Variants in RFWD3 observed in about 807,000 individuals in gnomAD.
RFWD3 encodes the protein E3 ubiquitin-protein ligase RFWD3.
RFWD3 carries 65 observed loss-of-function variants against 87.7 expected under a neutral mutation model. The ratio of observed to expected loss-of-function variants is 0.74; its 90% confidence interval spans 0.61 to 0.91. RFWD3 has a LOEUF of 0.91. Among genes scored for constraint, RFWD3 ranks in the 40% least tolerant of loss-of-function variants. RFWD3 has a pLI of 0.00. For missense variants in RFWD3, 1,078 were observed against 938.5 expected, an observed-to-expected ratio of 1.15 and a Z score of -1.94; for synonymous variants, 433 against 352.8, an observed-to-expected ratio of 1.23 and a Z score of -2.55.
chr16:74,622,822 GA>G lies in RFWD3; in HGVS notation c.*1105del, dbSNP rs1310699508. On this transcript the variant is annotated 3_prime_UTR_variant, in exon 13 of 13. Coordinates refer to ENST00000361070, the MANE Select transcript of RFWD3 (RefSeq NM_018124.4). ...AAAAGGTTAGGGAGGCAAATCAAAG[GA>G]AACTGGAATCAAACATCAGCTTCAC... The G allele has an allele frequency of 5.3e-5, 8 of 152,210 alleles. No individual in the cohort carries two copies. The highest frequency in any genetic ancestry group is 1.9e-4 in the African/African-American group (8 of 41,442). The allele number at this position is 152,210 out of a possible 1,614,324, so 9.4% of individuals were successfully genotyped here. A position where few individuals can be genotyped will look rare whatever the true frequency, so the allele number is the denominator to read the frequency against.
chr16:74,658,330 G>A (rs911455788), intron 2 of RFWD3, among the ~76,000 whole-genome samples: 1 of 152,124 alleles, frequency 6.6e-6, no homozygotes, highest in South Asian at 2.1e-4. Flanking sequence ...GAATGAAACC[G>A]CCCCAAACAA....
chr16:74,644,694 AGAAGCAGAAG>A lies in RFWD3; in HGVS notation c.824_833del (p.Pro275LeufsTer70). Reference sequence around the variant, plus strand: ...AAGTGTCCCCTTCTTCCTCATCCATAGAAGCAGAAGGTAGCAGAGGCTCAGACTTCTGGGG... The same window carrying A: ...AAGTGTCCCCTTCTTCCTCATCCATAGTAGCAGAGGCTCAGACTTCTGGGG... On this transcript the variant is annotated frameshift_variant, in exon 5 of 13. Transcript: ENST00000361070. LOFTEE classifies it high-confidence loss of function. 6.2e-7 allele frequency: 1 copy of A among 1,614,218 alleles called. No individual in the cohort carries two copies. Among genetic ancestry groups the A allele is most frequent in the Non-Finnish European group, 8.5e-7 (1 of 1,180,032 alleles).
chr16:74,641,249 G>GC (rs1437203667), intron 6 of RFWD3, among the ~76,000 whole-genome samples: 4 of 151,656 alleles, frequency 2.6e-5, no homozygotes, highest in African/African-American at 9.7e-5. Context: ...CACAACCTCT[G>GC]CCCCCTGGGT....
intron 6 of RFWD3, among the ~76,000 whole-genome samples, chr16:74,641,603 T>A (rs1959651963): frequency 6.6e-6 from 1 of 152,096 alleles, no homozygotes; most frequent in South Asian, 2.1e-4. Flanking sequence ...GAAAAAGTTA[T>A]AATCTAACAT....
In RFWD3 at chr16:74,657,359, T is replaced by C. The variant is rs117325877; in HGVS notation, c.518+3573A>G. ...TGCTATAAGCATTTGGTCAGTTTCCTGAATTATGAAAAAGTTGATCCTGAC... is the reference window on the plus strand; with the variant it reads ...TGCTATAAGCATTTGGTCAGTTTCCCGAATTATGAAAAAGTTGATCCTGAC... On this transcript the variant is annotated intron_variant, in intron 2 of 12. Coordinates refer to ENST00000361070, the MANE Select transcript of RFWD3 (RefSeq NM_018124.4). Among the ~76,000 whole-genome samples the C allele has an allele frequency of 9.4e-3, 1,438 of 152,328 alleles. 8 individuals carry two copies. The highest frequency in any genetic ancestry group is 0.024 in the Middle Eastern group (7 of 294).
chr16:74,635,786 A>G lies in RFWD3; in HGVS notation c.1426+560T>C, dbSNP rs1055182973. The stretch of plus-strand genomic sequence containing the variant: ...AAGACAGCAGAAAGAAACATCTGCA[A>G]GATTTAGAAATGATTTAATTGAGCA... On this transcript the variant is annotated intron_variant, in intron 8 of 12. Transcript: ENST00000361070. 2.0e-5 allele frequency among the ~76,000 whole-genome samples: 3 copies of G among 152,258 alleles called. No homozygotes were observed. The South Asian group carries it at 6.2e-4, about 31-fold the overall frequency.
At chr16:74,633,786 C>A (rs1407724388) in intron 8 of RFWD3, among the ~76,000 whole-genome samples, 3 of 151,758 alleles carry the variant, frequency 2.0e-5, no homozygotes, top group Non-Finnish European at 2.9e-5. Context: ...CCTGTTGCTA[C>A]AAAAAATATG....
chr16:74,656,890 G>A (rs983515988), intron 2 of RFWD3, among the ~76,000 whole-genome samples: 2 of 152,218 alleles, frequency 1.3e-5, no homozygotes, highest in African/African-American at 4.8e-5. Context: ...CAAGACTTCA[G>A]TTAAGAAAGT....
At chr16:74,632,362 A>T (rs1017494263) in intron 9 of RFWD3, among the ~76,000 whole-genome samples, 161 bp downstream of exon 9, 6 of 152,158 alleles carry the variant, frequency 3.9e-5, no homozygotes, top group African/African-American at 1.2e-4. Flanking sequence ...AGTGCACTCC[A>T]GCCTGGGTGA....
chr16:74,647,879 A>G (rs1307761662), intron 4 of RFWD3, among the ~76,000 whole-genome samples: 2 of 152,154 alleles, frequency 1.3e-5, no homozygotes, highest in Non-Finnish European at 2.9e-5. Flanking sequence ...GGCATGGGCC[A>G]CCGCGCCCAG....
chr16:74,663,897 AAAGAG>A (rs1961667707), intron 1 of RFWD3, among the ~76,000 whole-genome samples: 1 of 152,192 alleles, frequency 6.6e-6, no homozygotes, highest in Non-Finnish European at 1.5e-5. Flanking sequence ...GATGGCGCTA[AAAGAG>A]AAGGGCTGGT....
chr16:74,657,569 G>A (rs558890731), intron 2 of RFWD3, among the ~76,000 whole-genome samples: 57 of 148,606 alleles, frequency 3.8e-4, no homozygotes, highest in African/African-American at 4.2e-4. Flanking sequence ...TCCACCTCCC[G>A]GGTTCAAGCG....
rs1958778211 is a variant in RFWD3 at position 74,621,792 on chromosome 16, T to C, written c.*2136A>G. ...CACTGCAACCTCTGCCTCCCAGGGT[T>C]CAAGCAATTCTCCTGCCTCAGCCTC... On this transcript the variant is annotated 3_prime_UTR_variant, in exon 13 of 13. Coordinates refer to ENST00000361070, the MANE Select transcript of RFWD3 (RefSeq NM_018124.4). 1 of 152,096 alleles carries C rather than the reference T, an allele frequency of 6.6e-6. No individual in the cohort carries two copies. The highest frequency in any genetic ancestry group is 2.4e-5 in the African/African-American group (1 of 41,352). The allele number at this position is 152,096 out of a possible 1,614,324, so 9.4% of individuals were successfully genotyped here.
intron 3 of RFWD3, 78 bp from the exon 4 acceptor site, chr16:74,649,280 G>C (rs1960402218): frequency 9.4e-7 from 1 of 1,059,934 alleles, no homozygotes; most frequent in Admixed American, 2.6e-5. Flanking sequence ...GCTAGCAGGA[G>C]AGAGCCTGAC....
rs770661821 is a variant in RFWD3 at position 74,661,347 on chromosome 16, G to C, written c.103C>G (p.Leu35Val). 2 of 1,614,086 alleles carry C rather than the reference G, an allele frequency of 1.2e-6. No individual in the cohort carries two copies. Among genetic ancestry groups the C allele is most frequent in the South Asian group, 2.2e-5 (2 of 91,070 alleles). The change falls in exon 2 of 13, where the codon CTC becomes GTC. Residue 35 changes from leucine (L) to valine (V), a missense_variant. By Grantham distance (32) the Leu-to-Val change is conservative. Coordinates refer to ENST00000361070, the MANE Select transcript of RFWD3 (RefSeq NM_018124.4). Reference sequence around the variant, plus strand: ...ACATCAGCAGGAACAGGCTGGAGGAGGGCTGGTCCCCCTTGGCTGCTGGCC... The same window carrying C: ...ACATCAGCAGGAACAGGCTGGAGGACGGCTGGTCCCCCTTGGCTGCTGGCC... Reference protein sequence around the residue: ...GMASSQGGPALLQPVPADVVS... With the variant: ...GMASSQGGPAVLQPVPADVVS...
intron 8 of RFWD3, among the ~76,000 whole-genome samples, chr16:74,636,044 T>C (rs1959193500): frequency 6.6e-6 from 1 of 152,224 alleles, no homozygotes; most frequent in Non-Finnish European, 1.5e-5. Context: ...CTAAAATGCA[T>C]CTGTAAGTTG....
intron 12 of RFWD3, 92 bp from the exon 13 acceptor site, chr16:74,624,163 A>G: frequency 6.9e-7 from 1 of 1,440,810 alleles, no homozygotes; most frequent in Admixed American, 2.2e-5. Flanking sequence ...GAAAGGCTGC[A>G]GAGAGAACAC....
chr16:74,630,642 GA>G, intron 10 of RFWD3, 138 bp downstream of exon 10: 1 of 595,192 alleles, frequency 1.7e-6, no homozygotes, highest in East Asian at 3.1e-5. Context: ...TATTGATTCT[GA>G]AGTGAGATCA....
In RFWD3 at chr16:74,656,308, C is replaced by CAAA. The variant is rs71158534; in HGVS notation, c.519-4189_519-4187dup. Among the ~76,000 whole-genome samples the CAAA allele has an allele frequency of 4.3e-3, 273 of 64,046 alleles. 2 individuals are homozygous for CAAA. The highest frequency in any genetic ancestry group is 5.7e-3 in the Non-Finnish European group (207 of 36,244). The allele number at this position is 64,046 out of a possible 152,430, so 42.0% of individuals were successfully genotyped here. On this transcript the variant is annotated intron_variant, in intron 2 of 12. Transcript: ENST00000361070. Reference sequence around the variant, plus strand: ...GCAACAGAGTGAGACCTTGTCTTGCCAAAAAAAAAAAAAAAAAAAAAAAGA... The same window carrying CAAA: ...GCAACAGAGTGAGACCTTGTCTTGCCAAAAAAAAAAAAAAAAAAAAAAAAAAGA...
Sources: gnomAD v4.1 joint callset for allele counts (sites outside exome capture counted in the v4.1 genomes callset) on GRCh38, gnomAD v4.1.1 for gene constraint, MANE v1.5 for transcripts, NCBI Gene and HGNC (gene_info 2026-07-23, HGNC 2026-07-21) for gene names.